Variants in AGAP1 observed in about 807,000 individuals in gnomAD.
AGAP1 encodes the protein ArfGAP with GTPase domain, ankyrin repeat and PH domain 1.
A neutral mutation model predicts 105.3 loss-of-function variants in AGAP1; 29 were observed. The observed-to-expected ratio is 0.28, with a 90% confidence interval of 0.21 to 0.38. The LOEUF (loss-of-function observed/expected upper bound fraction) is 0.38, where lower values mean the gene tolerates loss of function less well. Among genes scored for constraint, AGAP1 ranks in the 10% least tolerant of loss-of-function variants. AGAP1 has a pLI of 1.00. For missense variants in AGAP1, 998 were observed against 1,165.1 expected (o/e 0.86, Z 2.09); for synonymous variants, 509 against 485.9 (o/e 1.05, Z -0.63).
At position 235,867,115 on chromosome 2, in the gene AGAP1, G is replaced by C. The variant is rs1291498161; in HGVS notation, c.1051-16230G>C. Among the ~76,000 whole-genome samples, 1 of 152,212 alleles carries C rather than the reference G, an allele frequency of 6.6e-6. No homozygotes were observed. The highest frequency in any genetic ancestry group is 1.5e-5 in the Non-Finnish European group (1 of 68,034). ...GCGCTCACCAGGATGGCCAGAGGAA[G>C]GGGCAGGATGCAAGAAGGACATTTC... On this transcript the variant is annotated intron_variant, in intron 9 of 17. Coordinates refer to ENST00000304032, the MANE Select transcript of AGAP1 (RefSeq NM_001037131.3). This position sits in a 1 kb window ranked among gnomAD's most constrained non-coding sequence, Gnocchi z 5.4.
chr2:236,100,266 G>A (rs1471209241), intron 16 of AGAP1, among the ~76,000 whole-genome samples: 1 of 152,132 alleles, frequency 6.6e-6, no homozygotes, highest in Non-Finnish European at 1.5e-5. Context: ...CATTGAGCAA[G>A]TTAAACTCTG....
rs1271219197 is a variant in AGAP1, at chr2:236,012,271, C to T, written c.1646-24290C>T. On this transcript the variant is annotated intron_variant, in intron 13 of 17. Coordinates refer to ENST00000304032, the MANE Select transcript of AGAP1 (RefSeq NM_001037131.3). This position sits in a 1 kb window ranked among gnomAD's most constrained non-coding sequence, Gnocchi z 4.9. ...GGCGAGGAAAGAGGCTTTCTGCACTCGGGCACCCCTCCCCTCCCGAGGGGT... is the reference window on the plus strand; with the variant it reads ...GGCGAGGAAAGAGGCTTTCTGCACTTGGGCACCCCTCCCCTCCCGAGGGGT... Among the ~76,000 whole-genome samples, 2 of 151,986 alleles carry T rather than the reference C, an allele frequency of 1.3e-5. No individual in the cohort carries two copies. The highest frequency in any genetic ancestry group is 2.1e-4 in the South Asian group (1 of 4,818).
At chr2:235,511,156 C>T (rs79784426) in intron 1 of AGAP1, among the ~76,000 whole-genome samples, 19 of 152,244 alleles carry the variant, frequency 1.2e-4, no homozygotes, top group African/African-American at 4.6e-4. Context: ...TCCCGCAATG[C>T]CTGGGGCAGC....
chr2:236,062,574 C>T lies in AGAP1; in HGVS notation c.2114+13293C>T, dbSNP rs2125762859. On this transcript the variant is annotated intron_variant, in intron 16 of 17. Coordinates refer to ENST00000304032, the MANE Select transcript of AGAP1 (RefSeq NM_001037131.3). This position sits in a 1 kb window ranked among gnomAD's most constrained non-coding sequence, Gnocchi z 4.2. Reference sequence around the variant, plus strand: ...TACTGCAACCCCAGACTCCCAGGCTCAAGCAATCCTACCTAGTCAGCCTCC... The same window carrying T: ...TACTGCAACCCCAGACTCCCAGGCTTAAGCAATCCTACCTAGTCAGCCTCC... Among the ~76,000 whole-genome samples the T allele has an allele frequency of 6.6e-6, 1 of 152,312 alleles. No homozygotes were observed. Among genetic ancestry groups the T allele is most frequent in the Admixed American group, 6.5e-5 (1 of 15,306 alleles).
rs969370505 is a variant in AGAP1, at chr2:235,704,969, CTTTTTTTTTT to C, written c.164-4192_164-4183del. On this transcript the variant is annotated intron_variant, in intron 1 of 17. Coordinates refer to ENST00000304032, the MANE Select transcript of AGAP1 (RefSeq NM_001037131.3). ...ATTGTAAAATACAAGATGCTTTTTT[CTTTTTTTTTT>C]TTTTTTTTTTTTTTTTTGCGACAGA... 6.9e-3 allele frequency among the ~76,000 whole-genome samples: 414 copies of C among 59,736 alleles called. 4 individuals carry two copies. The highest frequency in any genetic ancestry group is 9.4e-3 in the Non-Finnish European group (316 of 33,552). The allele number at this position is 59,736 out of a possible 152,430, so 39.2% of individuals were successfully genotyped here.
intron 16 of AGAP1, among the ~76,000 whole-genome samples, chr2:236,099,773 C>T (rs1230498935): frequency 1.3e-5 from 2 of 152,146 alleles, no homozygotes; most frequent in Middle Eastern, 3.2e-3. Flanking sequence ...GGCGCAGTGG[C>T]TCACACCTGT....
At chr2:235,587,014 C>G (rs1945134473) in intron 1 of AGAP1, among the ~76,000 whole-genome samples, 1 of 152,174 alleles carries the variant, frequency 6.6e-6, no homozygotes, top group South Asian at 2.1e-4. Flanking sequence ...AGCTCCATCT[C>G]TAGTTAATTC....
intron 13 of AGAP1, among the ~76,000 whole-genome samples, chr2:235,999,380 T>G (rs2055984046): frequency 7.4e-6 from 1 of 134,452 alleles, no homozygotes; most frequent in Admixed American, 7.5e-5. Flanking sequence ...ACCAATATGG[T>G]ATGGTGGTGA....
intron 16 of AGAP1, among the ~76,000 whole-genome samples, chr2:236,116,742 C>T (rs1283945031): frequency 6.6e-6 from 1 of 151,868 alleles, no homozygotes; most frequent in African/African-American, 2.4e-5. Flanking sequence ...TTTTATCCCT[C>T]GCCCCCCTCC....
In AGAP1 at chr2:235,633,700, G is replaced by C. The variant is rs1354505358; in HGVS notation, c.164-75479G>C. On this transcript the variant is annotated intron_variant, in intron 1 of 17. Coordinates refer to ENST00000304032, the MANE Select transcript of AGAP1 (RefSeq NM_001037131.3). The surrounding 1 kb of genome is among the most constrained non-coding windows in gnomAD (Gnocchi z 4.8). The stretch of plus-strand genomic sequence containing the variant: ...TCTGTGTAACATTTCTTCCTCTCGG[G>C]TATGGGATGGGACCCCTCTGGAATG... 6.6e-6 allele frequency among the ~76,000 whole-genome samples: 1 copy of C among 152,170 alleles called. No homozygotes were observed. The highest frequency in any genetic ancestry group is 1.9e-4 in the East Asian group (1 of 5,186).
At chr2:235,954,714 G>T (rs2053876736) in intron 12 of AGAP1, among the ~76,000 whole-genome samples, 1 of 151,348 alleles carries the variant, frequency 6.6e-6, no homozygotes, top group African/African-American at 2.4e-5. Flanking sequence ...AGTCCTTCAG[G>T]TTTGTCCACA....
Position 236,040,906 on chromosome 2 carries a change from G to GC in AGAP1, c.1891+68dup. ...GCTGGAGACCACATGGTCCCACTAGGCCCGGGTTGCAGGGGACTCACATCT... is the reference window on the plus strand; with the variant it reads ...GCTGGAGACCACATGGTCCCACTAGGCCCCGGGTTGCAGGGGACTCACATCT... On this transcript the variant is annotated intron_variant, in intron 15 of 17. Transcript: ENST00000304032. The surrounding 1 kb of genome is among the most constrained non-coding windows in gnomAD (Gnocchi z 5.6). 6.5e-7 allele frequency: 1 copy of GC among 1,549,508 alleles called. No homozygotes were observed. The highest frequency in any genetic ancestry group is 8.9e-7 in the Non-Finnish European group (1 of 1,123,926).
At chr2:236,067,177 C>T (rs1472282251) in intron 16 of AGAP1, among the ~76,000 whole-genome samples, 5 of 151,940 alleles carry the variant, frequency 3.3e-5, no homozygotes, top group African/African-American at 9.7e-5. Context: ...CTGTGTGACC[C>T]GGGCTGGATG....
rs1024450101 is a variant in AGAP1, at chr2:235,701,738, C to T, written c.164-7441C>T. Reference sequence around the variant, plus strand: ...GGATTATGTCTGATCCAGTTTGCAGCGGGCTCTTTTCCGGCTGCGTTGAAA... The same window carrying T: ...GGATTATGTCTGATCCAGTTTGCAGTGGGCTCTTTTCCGGCTGCGTTGAAA... On this transcript the variant is annotated intron_variant, in intron 1 of 17. Coordinates refer to ENST00000304032, the MANE Select transcript of AGAP1 (RefSeq NM_001037131.3). The surrounding 1 kb of genome is among the most constrained non-coding windows in gnomAD (Gnocchi z 4.1). Among the ~76,000 whole-genome samples, 4 of 152,130 alleles carry T rather than the reference C, an allele frequency of 2.6e-5. No individual in the cohort carries two copies. The highest frequency in any genetic ancestry group is 4.8e-5 in the African/African-American group (2 of 41,414).
intron 16 of AGAP1, among the ~76,000 whole-genome samples, chr2:236,063,406 G>C (rs368501165): frequency 3.4e-4 from 52 of 152,288 alleles, no homozygotes; most frequent in African/African-American, 1.2e-3. Flanking sequence ...TAACCAAAGT[G>C]AATGTGGGGT....
At position 236,045,897 on chromosome 2, in the gene AGAP1, C is replaced by CCCGGAACA. The variant is rs2057702111; in HGVS notation, c.1892-3161_1892-3160insCGGAACAC. 1 of 468,062 alleles carries CCCGGAACA rather than the reference C, an allele frequency of 2.1e-6. No homozygotes were observed. The highest frequency in any genetic ancestry group is 2.0e-5 in the African/African-American group (1 of 50,060). 29.0% of individuals were successfully genotyped at this position (468,062 alleles called of 1,614,324 possible). ...AAGCAGAGGGTGGTGAGCATGGGGC[C>CCCGGAACA]CTGGAACACTGTGCCCCCGCCCCCT... is the stretch of plus-strand genomic sequence containing the variant. On this transcript the variant is annotated intron_variant, in intron 15 of 17. Coordinates refer to ENST00000304032, the MANE Select transcript of AGAP1 (RefSeq NM_001037131.3). The surrounding 1 kb of genome is among the most constrained non-coding windows in gnomAD (Gnocchi z 6.9).
Position 236,105,550 on chromosome 2 carries a change from CTTTTTTTTTTTT to C in AGAP1, c.2115-14630_2115-14619del, listed in dbSNP as rs71039711. ...GAGAGGAGAGGGGCATCTCTCGTGT[CTTTTTTTTTTTT>C]TTTTTTTTTTTGAGACACAGTCTCG... On this transcript the variant is annotated intron_variant, in intron 16 of 17. Coordinates refer to ENST00000304032, the MANE Select transcript of AGAP1 (RefSeq NM_001037131.3). This position sits in a 1 kb window ranked among gnomAD's most constrained non-coding sequence, Gnocchi z 4.2. Among the ~76,000 whole-genome samples, 14 of 81,316 alleles carry C rather than the reference CTTTTTTTTTTTT, an allele frequency of 1.7e-4. No individual in the cohort carries two copies. The South Asian group carries it at 6.4e-3, about 37-fold the overall frequency. 53.3% of individuals were successfully genotyped at this position (81,316 alleles called of 152,430 possible).
rs938301414 is a variant in AGAP1, at chr2:235,721,200, G to T, written c.310+3556G>T. On this transcript the variant is annotated intron_variant, in intron 3 of 17. Coordinates refer to ENST00000304032, the MANE Select transcript of AGAP1 (RefSeq NM_001037131.3). This position sits in a 1 kb window ranked among gnomAD's most constrained non-coding sequence, Gnocchi z 4.5. ...TTTTTGTATTTTTGGTAGAGGCAGG[G>T]TTTCACCATGTTGGCCAGACTGGTC... 3.0e-4 allele frequency among the ~76,000 whole-genome samples: 46 copies of T among 152,076 alleles called. No homozygotes were observed. The highest frequency in any genetic ancestry group is 6.2e-4 in the South Asian group (3 of 4,808).
At position 235,957,670 on chromosome 2, in the gene AGAP1, A is replaced by G. The variant is rs1351813336; in HGVS notation, c.1484-10792A>G. 6.6e-6 allele frequency among the ~76,000 whole-genome samples: 1 copy of G among 152,226 alleles called. No individual in the cohort carries two copies. Among genetic ancestry groups the G allele is most frequent in the Non-Finnish European group, 1.5e-5 (1 of 68,038 alleles). ...ACCCAGGATGTTGTGATTTCCTTGG[A>G]TGGCAAAGGTGGCCTGTTCTTTATT... is the stretch of plus-strand genomic sequence containing the variant. On this transcript the variant is annotated intron_variant, in intron 12 of 17. Coordinates refer to ENST00000304032, the MANE Select transcript of AGAP1 (RefSeq NM_001037131.3). The surrounding 1 kb of genome is among the most constrained non-coding windows in gnomAD (Gnocchi z 4.6).
Sources: allele counts gnomAD v4.1 joint callset (sites outside exome capture counted in the v4.1 genomes callset), GRCh38; gene constraint gnomAD v4.1.1; non-coding constraint Gnocchi (gnomAD v3.1); transcripts MANE v1.5; gene names NCBI Gene and HGNC (gene_info 2026-07-23, HGNC 2026-07-21).